PBX1: variants seen among roughly 807,000 people sequenced by gnomAD.
PBX1 encodes the protein pre-B-cell leukemia transcription factor 1.
In PBX1, 6 loss-of-function variants were observed where a neutral mutation model predicts 53.4. The ratio of observed to expected loss-of-function variants is 0.11; its 90% CI spans 0.06 to 0.22. The LOEUF (loss-of-function observed/expected upper bound fraction) is 0.22, where lower values mean the gene tolerates loss of function less well. Ranked by LOEUF, PBX1 falls within the 10% of genes least tolerant of loss-of-function variation. PBX1 has a pLI of 1.00. For missense variants in PBX1, 251 were observed against 551.4 expected (o/e 0.46, Z 5.46); for synonymous variants, 204 against 212.3 (o/e 0.96, Z 0.34).
chr1:164,612,519 A>G (rs1355292686), intron 2 of PBX1, among the ~76,000 whole-genome samples: 1 of 152,046 alleles, frequency 6.6e-6, no homozygotes. Context: ...AGAAAGGGAA[A>G]CTGGCTATGG....
At chr1:164,603,571 TA>T (rs2101806654) in intron 2 of PBX1, among the ~76,000 whole-genome samples, 1 of 152,348 alleles carries the variant, frequency 6.6e-6, no homozygotes, top group African/African-American at 2.4e-5. Flanking sequence ...TAATTCAATG[TA>T]ATATGTGTTT....
intron 2 of PBX1, among the ~76,000 whole-genome samples, chr1:164,597,160 G>T (rs1396803615): frequency 6.6e-6 from 1 of 152,204 alleles, no homozygotes; most frequent in Non-Finnish European, 1.5e-5. Context: ...TTCCTTTGAG[G>T]AATCGTTATT....
rs112650918 is a variant in PBX1, at chr1:164,884,439, T to C, written n.258-14749T>C. 841 of 350,794 alleles carry C rather than the reference T, an allele frequency of 2.4e-3. 6 individuals are homozygous for C. The highest frequency in any genetic ancestry group is 0.017 in the African/African-American group (783 of 45,914). The allele number at this position is 350,794 out of a possible 1,614,324, so 21.7% of individuals were successfully genotyped here. ...GAGGGTGGGCGAAAGAAATAAAAAC[T>C]GAAATCGGTCAATTTGACTCTTTGA... On this transcript the variant is annotated intron_variant and non_coding_transcript_variant, in intron 2 of 2. Coordinates refer to the PBX1 transcript ENST00000558796.
chr1:164,635,497 G>A lies in PBX1; in HGVS notation c.265+72186G>A, dbSNP rs1267498720. 5.9e-5 allele frequency among the ~76,000 whole-genome samples: 9 copies of A among 152,286 alleles called. No individual in the cohort carries two copies. The East Asian group carries it at 7.7e-4, about 13-fold the overall frequency. Reference sequence around the variant, plus strand: ...GTGCAGCTTAGCCCAACTGTCACTCGACAGGCGTTTGTCGGACAAAATCAA... The same window carrying A: ...GTGCAGCTTAGCCCAACTGTCACTCAACAGGCGTTTGTCGGACAAAATCAA... On this transcript the variant is annotated intron_variant, in intron 2 of 8. Transcript: ENST00000420696.
chr1:164,617,770 T>G (rs1053171774), intron 2 of PBX1, among the ~76,000 whole-genome samples: 2 of 152,226 alleles, frequency 1.3e-5, no homozygotes, highest in African/African-American at 4.8e-5. Context: ...TAGTAGTCTT[T>G]CCACATTGGG....
intron 8 of PBX1, among the ~76,000 whole-genome samples, chr1:164,831,991 A>G (rs2102390961): frequency 6.6e-6 from 1 of 152,348 alleles, no homozygotes; most frequent in Non-Finnish European, 1.5e-5. Flanking sequence ...TTCAACTTAT[A>G]TTCACATTTC....
intron 2 of PBX1, among the ~76,000 whole-genome samples, chr1:164,572,848 G>T (rs992142658): frequency 2.0e-5 from 3 of 152,146 alleles, no homozygotes. Flanking sequence ...GTTTGGCCTT[G>T]TCGGTTCAGG....
intron 2 of PBX1, among the ~76,000 whole-genome samples, chr1:164,870,212 T>TTTC (rs1672318334): frequency 1.4e-5 from 1 of 69,120 alleles, no homozygotes; most frequent in Non-Finnish European, 3.4e-5. Flanking sequence ...TTCTTTCTTT[T>TTTC]CTTTCTTTCC....
intron 2 of PBX1, among the ~76,000 whole-genome samples, chr1:164,739,339 T>A (rs990358640): frequency 1.3e-5 from 2 of 152,088 alleles, no homozygotes; most frequent in African/African-American, 4.8e-5. Context: ...TGGTTGTGGG[T>A]TTTATTTTTC....
chr1:164,806,802 A>G (rs1396721679), intron 4 of PBX1, among the ~76,000 whole-genome samples: 1 of 152,178 alleles, frequency 6.6e-6, no homozygotes, highest in African/African-American at 2.4e-5. Context: ...AGAAAGACCA[A>G]GTTGTAGCAG....
At chr1:164,865,267 C>T (rs985595582) in intron 2 of PBX1, among the ~76,000 whole-genome samples, 1 of 152,098 alleles carries the variant, frequency 6.6e-6, no homozygotes, top group Non-Finnish European at 1.5e-5. Context: ...TGAATGGATC[C>T]GTTTATGCTG....
chr1:164,797,064 T>C (rs1668824454), intron 3 of PBX1, among the ~76,000 whole-genome samples: 1 of 152,198 alleles, frequency 6.6e-6, no homozygotes, highest in Non-Finnish European at 1.5e-5. Context: ...CTGTTGTGTG[T>C]TCCTCAGCAG....
At chr1:164,561,647 T>C (rs892219590) in intron 1 of PBX1, among the ~76,000 whole-genome samples, 4 of 152,180 alleles carry the variant, frequency 2.6e-5, no homozygotes, top group African/African-American at 4.8e-5. Context: ...CTAGTAAGAA[T>C]AGATACTACT....
At chr1:164,625,927 A>G in intron 2 of PBX1, 1 of 1,030,486 alleles carries the variant, frequency 9.7e-7, no homozygotes, top group Non-Finnish European at 1.2e-6. Context: ...GATTTGTGAC[A>G]GAATTGAAGG....
chr1:164,676,326 GGTCT>G (rs1440964915), intron 2 of PBX1, among the ~76,000 whole-genome samples: 1 of 151,972 alleles, frequency 6.6e-6, no homozygotes, highest in Non-Finnish European at 1.5e-5. Flanking sequence ...GCATAGAGTA[GGTCT>G]GTCTAGCTCT....
intron 1 of PBX1, among the ~76,000 whole-genome samples, chr1:164,562,494 CCAG>C (rs1653133781): frequency 1.4e-5 from 2 of 146,216 alleles, no homozygotes; most frequent in African/African-American, 5.1e-5. Flanking sequence ...CACACACACA[CCAG>C]GTAAATCACT....
chr1:164,656,850 A>G (rs1660198120), intron 2 of PBX1, among the ~76,000 whole-genome samples: 1 of 152,030 alleles, frequency 6.6e-6, no homozygotes, highest in Non-Finnish European at 1.5e-5. Flanking sequence ...CATATATTAT[A>G]TTATCATACT....
chr1:164,755,399 C>T (rs376747080), intron 2 of PBX1, among the ~76,000 whole-genome samples: 2 of 152,100 alleles, frequency 1.3e-5, no homozygotes, highest in East Asian at 1.9e-4. Context: ...TCCGCCCACC[C>T]TGGCCTCCCA....
intron 2 of PBX1, chr1:164,700,353 G>T: frequency 1.6e-6 from 1 of 632,688 alleles, no homozygotes; most frequent in Non-Finnish European, 2.0e-6. Context: ...GGATTGCTGG[G>T]TTATGGAGAA....
Sources: allele counts gnomAD v4.1 joint callset (sites outside exome capture counted in the v4.1 genomes callset), GRCh38; gene constraint gnomAD v4.1.1; transcripts MANE v1.5; gene names NCBI Gene and HGNC (gene_info 2026-07-23, HGNC 2026-07-21).